GRM7: variants seen among roughly 807,000 people sequenced by gnomAD.
GRM7 encodes metabotropic glutamate receptor 7.
GRM7 carries 35 observed loss-of-function variants against 84.5 expected under a neutral mutation model. The ratio of observed to expected loss-of-function variants is 0.41; its 90% CI spans 0.32 to 0.55. The LOEUF (loss-of-function observed/expected upper bound fraction) is 0.55, where lower values mean the gene tolerates loss of function less well. GRM7 is among the 20% of genes least tolerant of loss of function. The probability of loss-of-function intolerance (pLI) is 0.19; values close to 1 mark genes in which losing one functional copy is unlikely to be tolerated. For missense variants in GRM7, 1,003 were observed against 1,194.6 expected (o/e 0.84, Z 2.36); for synonymous variants, 487 against 455.1 (o/e 1.07, Z -0.89).
chr3:7,049,827 A>G (rs925340644), intron 1 of GRM7, among the ~76,000 whole-genome samples: 7 of 151,880 alleles, frequency 4.6e-5, no homozygotes, highest in African/African-American at 1.7e-4. Context: ...AGATTACCCA[A>G]ACAAAGTAAA....
At chr3:7,739,610 A>T (rs1214775721) in intron 9 of GRM7, among the ~76,000 whole-genome samples, 3 of 152,172 alleles carry the variant, frequency 2.0e-5, no homozygotes, top group African/African-American at 7.2e-5. Context: ...GAGGACATGA[A>T]ATCTGCTGTG....
chr3:6,980,843 G>A (rs774573502), intron 1 of GRM7, among the ~76,000 whole-genome samples: 12 of 152,188 alleles, frequency 7.9e-5, no homozygotes, highest in Admixed American at 3.3e-4. Flanking sequence ...AGTAAAGTGC[G>A]AAGCTAGAGA....
intron 2 of GRM7, among the ~76,000 whole-genome samples, chr3:7,149,596 G>A (rs1395012724): frequency 6.6e-6 from 1 of 152,122 alleles, no homozygotes. Context: ...TGTATGGGTA[G>A]GTGAGGCGAT....
At chr3:7,285,638 TC>T (rs1262850654) in intron 2 of GRM7, among the ~76,000 whole-genome samples, 1 of 152,104 alleles carries the variant, frequency 6.6e-6, no homozygotes, top group East Asian at 1.9e-4. Context: ...ACTCTTCTAT[TC>T]CTTGAGGGCC....
At chr3:7,557,273 C>G (rs1478809740) in intron 7 of GRM7, among the ~76,000 whole-genome samples, 1 of 151,992 alleles carries the variant, frequency 6.6e-6, no homozygotes, top group Non-Finnish European at 1.5e-5. Flanking sequence ...ATCAGTAAGA[C>G]TTGGTCATGA....
Position 7,335,898 on chromosome 3 carries a change from C to T in GRM7, c.1033+29246C>T, listed in dbSNP as rs182294807. Among the ~76,000 whole-genome samples, 393 of 151,602 alleles carry T rather than the reference C, an allele frequency of 2.6e-3. 3 individuals are homozygous for T. The highest frequency in any genetic ancestry group is 3.6e-3 in the Non-Finnish European group (242 of 67,716). On this transcript the variant is annotated intron_variant, in intron 4 of 9. Transcript: ENST00000357716. ...ACAGACCAATAACAAGCAGTGATAC[C>T]GAAATGGTAATTTAAAAATTGCCAA...
At chr3:7,630,084 G>A (rs563155794) in intron 8 of GRM7, among the ~76,000 whole-genome samples, 42 of 152,214 alleles carry the variant, frequency 2.8e-4, no homozygotes, top group African/African-American at 8.9e-4. Context: ...CTAAAATTTA[G>A]CCTGAGGCTC....
chr3:6,988,994 T>G (rs1052134507), intron 1 of GRM7, among the ~76,000 whole-genome samples: 1 of 152,200 alleles, frequency 6.6e-6, no homozygotes, highest in African/African-American at 2.4e-5. Flanking sequence ...TTTTAAATGC[T>G]TGGTCAAACA....
rs570134244 is a variant in GRM7, at chr3:7,386,891, C to G, written c.1034-28132C>G. 3.2e-3 allele frequency among the ~76,000 whole-genome samples: 486 copies of G among 152,210 alleles called. 3 individuals carry two copies. Among genetic ancestry groups the G allele is most frequent in the African/African-American group, 0.011 (463 of 41,546 alleles). ...CTAATTTACATTCTCACCAATGGTG[C>G]GTAAGTGTTCCCTTTTCTCTGCAAC... On this transcript the variant is annotated intron_variant, in intron 4 of 9. Transcript: ENST00000357716.
At chr3:7,346,032 C>G (rs1460890669) in intron 4 of GRM7, among the ~76,000 whole-genome samples, 1 of 152,018 alleles carries the variant, frequency 6.6e-6, no homozygotes, top group African/African-American at 2.4e-5. Context: ...GCAAATGGTG[C>G]AAATTAAGAG....
At chr3:7,563,310 A>G (rs888283515) in intron 7 of GRM7, among the ~76,000 whole-genome samples, 1 of 152,100 alleles carries the variant, frequency 6.6e-6, no homozygotes, top group Non-Finnish European at 1.5e-5. Flanking sequence ...AAAAGAGGAC[A>G]TTTTTTTCCT....
At chr3:7,458,286 G>A (rs1236017125) in intron 6 of GRM7, among the ~76,000 whole-genome samples, 6 of 152,118 alleles carry the variant, frequency 3.9e-5, no homozygotes, top group African/African-American at 1.4e-4. Flanking sequence ...TAGTGTACCT[G>A]CATCTTGGCT....
At chr3:7,421,067 T>C (rs1181167349) in intron 5 of GRM7, among the ~76,000 whole-genome samples, 1 of 152,192 alleles carries the variant, frequency 6.6e-6, no homozygotes, top group Non-Finnish European at 1.5e-5. Flanking sequence ...TTGTTAAAAA[T>C]AGACTTTAGT....
intron 4 of GRM7, among the ~76,000 whole-genome samples, chr3:7,322,039 T>G (rs6794925): frequency 0.012 from 1,772 of 152,150 alleles, 34 homozygotes; most frequent in African/African-American, 0.039. Flanking sequence ...AAAAACAGGA[T>G]TCCCTTGAAA....
At chr3:7,579,836 A>G (rs1273684540) in intron 8 of GRM7, among the ~76,000 whole-genome samples, 2 of 152,180 alleles carry the variant, frequency 1.3e-5, no homozygotes, top group African/African-American at 4.8e-5. Flanking sequence ...TTAGTACTCA[A>G]GCTTTACAAC....
intron 1 of GRM7, among the ~76,000 whole-genome samples, chr3:7,098,876 T>C (rs1004939555): frequency 1.4e-4 from 22 of 151,960 alleles, no homozygotes; most frequent in Non-Finnish European, 2.8e-4. Flanking sequence ...ATTAGATAAA[T>C]AATTCTTTCT....
chr3:7,564,398 G>A (rs1414702244), intron 7 of GRM7, among the ~76,000 whole-genome samples: 5 of 152,104 alleles, frequency 3.3e-5, no homozygotes, highest in Non-Finnish European at 5.9e-5. Flanking sequence ...ATTTGAACCC[G>A]TGATCATCTG....
At chr3:7,603,594 C>T (rs1487091638) in intron 8 of GRM7, among the ~76,000 whole-genome samples, 2 of 152,098 alleles carry the variant, frequency 1.3e-5, no homozygotes, top group East Asian at 3.9e-4. Context: ...ATAACACTAT[C>T]ACCTTCAAAT....
At chr3:7,047,498 G>T (rs765656216) in intron 1 of GRM7, among the ~76,000 whole-genome samples, 7 of 152,082 alleles carry the variant, frequency 4.6e-5, no homozygotes, top group Non-Finnish European at 7.4e-5. Context: ...GAGGTGAAGT[G>T]TCTTGCCCCA....
Sources: allele counts gnomAD v4.1 joint callset (sites outside exome capture counted in the v4.1 genomes callset), GRCh38; gene constraint gnomAD v4.1.1; transcripts MANE v1.5; gene names NCBI Gene and HGNC (gene_info 2026-07-23, HGNC 2026-07-21).